Variants in KLRG2 observed in about 807,000 individuals in gnomAD.
KLRG2 encodes killer cell lectin-like receptor subfamily G member 2.
Under a neutral mutation model 35.4 loss-of-function variants are expected in KLRG2, and 39 were observed. The ratio of observed to expected loss-of-function variants is 1.10; its 90% CI spans 0.85 to 1.44. The LOEUF (loss-of-function observed/expected upper bound fraction) is 1.44. Among genes scored for constraint, KLRG2 ranks in the 40% most tolerant of loss-of-function variants. KLRG2 has a pLI of 0.00. For synonymous variants in KLRG2, 283 were observed against 265.8 expected (o/e 1.06, Z -0.63); for missense variants, 632 against 570.9 (o/e 1.11, Z -1.09).
At chr7:139,454,081 G>A (rs112554530) in intron 4 of KLRG2, 30 bp downstream of exon 4, 5 of 1,244,258 alleles carry the variant, frequency 4.0e-6, no homozygotes, top group African/African-American at 3.0e-5. Flanking sequence ...CAGAACAGCA[G>A]AGGAGGGAGA....
chr7:139,470,063 CTTT>C (rs558355010), intron 3 of KLRG2, among the ~76,000 whole-genome samples: 1 of 143,602 alleles, frequency 7.0e-6, no homozygotes. Context: ...GTAAGCAATT[CTTT>C]TTTTTTTTTT....
rs1796633389 is a variant in KLRG2, at chr7:139,465,358, T to C, written c.1006-11144A>G. On this transcript the variant is annotated intron_variant, in intron 3 of 4. Coordinates refer to ENST00000340940, the MANE Select transcript of KLRG2 (RefSeq NM_198508.4). ...GCAAGGGTCCTCCATCATTAATGCCTCTTTAATAAAAACTCTTCTCAAAGC... is the reference window on the plus strand; with the variant it reads ...GCAAGGGTCCTCCATCATTAATGCCCCTTTAATAAAAACTCTTCTCAAAGC... Among the ~76,000 whole-genome samples, 3 of 152,190 alleles carry C rather than the reference T, an allele frequency of 2.0e-5. No homozygotes were observed. The South Asian group carries it at 6.2e-4, about 31-fold the overall frequency.
chr7:139,477,872 C>T (rs1293109066), intron 3 of KLRG2, among the ~76,000 whole-genome samples: 3 of 152,062 alleles, frequency 2.0e-5, no homozygotes, highest in African/African-American at 7.2e-5. Flanking sequence ...CATTCTCCTG[C>T]CTCAGCCTCT....
At chr7:139,474,518 G>A (rs1796815374) in intron 3 of KLRG2, among the ~76,000 whole-genome samples, 1 of 152,096 alleles carries the variant, frequency 6.6e-6, no homozygotes, top group Non-Finnish European at 1.5e-5. Context: ...CAGAACTTTG[G>A]GAGGCTGAGG....
the KLRG2 span, among the ~76,000 whole-genome samples, chr7:139,435,362 C>T: frequency 1.3e-5 from 2 of 152,086 alleles, no homozygotes; most frequent in African/African-American, 4.8e-5. Flanking sequence ...TGGTGGCAGG[C>T]ACCTGTAATC....
chr7:139,483,223 G>T lies in KLRG2; in HGVS notation c.420C>A (p.Ser140Arg). The T allele has an allele frequency of 1.3e-6, 2 of 1,533,558 alleles. No individual in the cohort carries two copies. The highest frequency in any genetic ancestry group is 1.2e-5 in the South Asian group (1 of 82,816). The allele number at this position is 1,533,558 out of a possible 1,614,324, so 95.0% of individuals were successfully genotyped here. ...GCGTGGAGGGCCTGGGCGATGGCGT[G>T]CTGCTGCCACCGGCCGCGCCCACGG... ...VKPVGAAGGS[S>R]TPSPRPSTRF... The change falls in exon 1 of 5, where the codon AGC becomes AGA. Residue 140 changes from serine to arginine, a missense_variant. Coordinates refer to ENST00000340940, the MANE Select transcript of KLRG2 (RefSeq NM_198508.4).
chr7:139,465,603 A>G (rs1796638529), intron 3 of KLRG2, among the ~76,000 whole-genome samples: 1 of 151,438 alleles, frequency 6.6e-6, no homozygotes, highest in Non-Finnish European at 1.5e-5. Flanking sequence ...GAGGCAGGAG[A>G]ATGGCGTGAA....
chr7:139,431,432 T>C, the KLRG2 span, among the ~76,000 whole-genome samples: 1 of 151,908 alleles, frequency 6.6e-6, no homozygotes, highest in Non-Finnish European at 1.5e-5. Flanking sequence ...TTTTTTTTTT[T>C]CCTGTTGGCA....
intron 3 of KLRG2, among the ~76,000 whole-genome samples, chr7:139,462,064 T>TGCC (rs1014959830): frequency 6.6e-5 from 10 of 152,220 alleles, no homozygotes; most frequent in African/African-American, 1.9e-4. Context: ...TGAATCTTGG[T>TGCC]GCCATCTTTC....
the KLRG2 span, among the ~76,000 whole-genome samples, chr7:139,439,789 C>G: frequency 6.6e-6 from 1 of 152,140 alleles, no homozygotes; most frequent in East Asian, 1.9e-4. Flanking sequence ...TTTCCCAGGA[C>G]TATCGTAACA....
intron 3 of KLRG2, among the ~76,000 whole-genome samples, chr7:139,461,786 T>G (rs1437565363): frequency 1.3e-5 from 2 of 152,088 alleles, no homozygotes; most frequent in Non-Finnish European, 2.9e-5. Context: ...TCAGCCCGCC[T>G]GCACCCAGGT....
chr7:139,451,506 A>G (rs58520408), downstream of KLRG2, among the ~76,000 whole-genome samples: 26,552 of 151,604 alleles, frequency 0.18, 2,465 homozygotes, highest in Middle Eastern at 0.31. Flanking sequence ...CTCAAAAAAA[A>G]ATTTTTTTTT....
chr7:139,461,034 G>C (rs1253069790), intron 3 of KLRG2, among the ~76,000 whole-genome samples: 1 of 152,122 alleles, frequency 6.6e-6, no homozygotes, highest in Non-Finnish European at 1.5e-5. Context: ...GGCCAAGGAA[G>C]GTGGATCAAC....
rs1166802610 is a variant in KLRG2, at chr7:139,483,516, C to A, written c.127G>T (p.Gly43Cys). 1.3e-6 allele frequency: 2 copies of A among 1,599,502 alleles called. No individual in the cohort carries two copies. Among genetic ancestry groups the A allele is most frequent in the Non-Finnish European group, 1.7e-6 (2 of 1,179,006 alleles). Reference protein sequence around the residue: ...QVPAKVRQPEGPESSPSPAGA... With the variant: ...QVPAKVRQPECPESSPSPAGA... ...GCCGGACTTGGGCTGCTTTCGGGAC[C>A]TTCAGGTTGTCGCACCTTCGCGGGC... is the stretch of plus-strand genomic sequence containing the variant. The change falls in exon 1 of 5, where the codon GGT (glycine) becomes TGT (cysteine). Residue 43 changes from glycine to cysteine, a missense_variant. By Grantham distance (159) the Gly-to-Cys change is radical. Coordinates refer to ENST00000340940, the MANE Select transcript of KLRG2 (RefSeq NM_198508.4).
At chr7:139,452,426 G>A (rs1391276927), downstream of KLRG2, among the ~76,000 whole-genome samples, 2 of 152,172 alleles carry the variant, frequency 1.3e-5, no homozygotes, top group Non-Finnish European at 2.9e-5. Flanking sequence ...TTCTGCACAT[G>A]TACCCCAGAA....
chr7:139,483,549 GC>G lies in KLRG2; in HGVS notation c.93del (p.Gln31HisfsTer96). On this transcript the variant is annotated frameshift_variant, in exon 1 of 5. Coordinates refer to ENST00000340940, the MANE Select transcript of KLRG2 (RefSeq NM_198508.4). LOFTEE classifies it high-confidence loss of function. ...TGTCGCACCTTCGCGGGCACCTGCG[GC>G]TGCTCCAGCGTGGGGACCAGGCTTC... ...PVGSLVPTLE[Q>X]PQVPAKVRQP... The G allele has an allele frequency of 6.3e-7, 1 of 1,599,210 alleles. No homozygotes were observed. The highest frequency in any genetic ancestry group is 8.5e-7 in the Non-Finnish European group (1 of 1,179,048).
In KLRG2 at chr7:139,454,856, AATAATAAT is replaced by A. The variant is rs990536447; in HGVS notation, c.1006-650_1006-643del. On this transcript the variant is annotated intron_variant, in intron 3 of 4. Transcript: ENST00000340940. ...TAATAATAATAATAATAATAATAAT[AATAATAAT>A]AACACACGCAGATGTGCAGGAACAA... is the stretch of plus-strand genomic sequence containing the variant. Among the ~76,000 whole-genome samples the A allele has an allele frequency of 2.2e-4, 32 of 143,564 alleles. No individual in the cohort carries two copies. In the East Asian group the frequency reaches 4.2e-3, roughly 19 times the overall value. The allele number at this position is 143,564 out of a possible 152,430, so 94.2% of individuals were successfully genotyped here.
At chr7:139,461,254 A>AAG (rs1004827651) in intron 3 of KLRG2, among the ~76,000 whole-genome samples, 11 of 151,966 alleles carry the variant, frequency 7.2e-5, no homozygotes, top group Admixed American at 1.3e-4. Context: ...CTAAAAAAAA[A>AAG]AGAGAGAGAG....
chr7:139,469,418 C>T (rs557673711), intron 3 of KLRG2, among the ~76,000 whole-genome samples: 4 of 152,152 alleles, frequency 2.6e-5, no homozygotes, highest in African/African-American at 9.6e-5. Flanking sequence ...CCTCGGCCTC[C>T]CAAAGTGCTG....
Sources: allele counts gnomAD v4.1 joint callset (sites outside exome capture counted in the v4.1 genomes callset), GRCh38; gene constraint gnomAD v4.1.1; transcripts MANE v1.5; gene names NCBI Gene and HGNC (gene_info 2026-07-23, HGNC 2026-07-21).